The following CNTLN variants were observed in gnomAD, a reference collection of about 807,000 sequenced individuals.
CNTLN encodes centlein, centrosomal protein.
CNTLN carries 212 observed loss-of-function variants against 180.0 expected under a neutral mutation model. The observed-to-expected ratio is 1.18, with a 90% confidence interval of 1.05 to 1.32. The LOEUF (loss-of-function observed/expected upper bound fraction) is 1.32. CNTLN is among the 40% of genes most tolerant of loss of function. The pLI, the probability that CNTLN is intolerant of heterozygous loss-of-function variation, is 0.00. For missense variants in CNTLN, 2,095 were observed against 1,610.9 expected (o/e 1.30, Z -5.14); for synonymous variants, 722 against 563.1 (o/e 1.28, Z -3.99).
chr9:17,189,174 C>T (rs1242444043), intron 2 of CNTLN, among the ~76,000 whole-genome samples: 8 of 147,974 alleles, frequency 5.4e-5, no homozygotes, highest in African/African-American at 2.0e-4. Flanking sequence ...GCTCCGCCTC[C>T]CGGGTTCACG....
intron 1 of CNTLN, among the ~76,000 whole-genome samples, chr9:17,137,349 T>C (rs1438220540): frequency 2.0e-5 from 3 of 152,206 alleles, no homozygotes; most frequent in Non-Finnish European, 4.4e-5. Flanking sequence ...AACTCCCAAT[T>C]GTTTTGTAAA....
At chr9:17,270,868 C>G (rs1467513181) in intron 5 of CNTLN, among the ~76,000 whole-genome samples, 1 of 149,508 alleles carries the variant, frequency 6.7e-6, no homozygotes, top group Non-Finnish European at 1.5e-5. Flanking sequence ...CAAAACTGAA[C>G]AAGATATAGT....
At chr9:17,491,400 A>C (rs1231759635) in intron 25 of CNTLN, among the ~76,000 whole-genome samples, 1 of 152,130 alleles carries the variant, frequency 6.6e-6, no homozygotes, top group Admixed American at 6.6e-5. Flanking sequence ...TAGGTAGTTA[A>C]CTTGAGTAGA....
At chr9:17,240,889 C>T (rs757167740) in intron 5 of CNTLN, among the ~76,000 whole-genome samples, 33 of 151,974 alleles carry the variant, frequency 2.2e-4, no homozygotes, top group Admixed American at 1.4e-3. Context: ...GGTGGAGTCT[C>T]GCTCTGTCAC....
chr9:17,198,512 T>C (rs1464535297), intron 2 of CNTLN, among the ~76,000 whole-genome samples: 1 of 151,112 alleles, frequency 6.6e-6, no homozygotes, highest in Non-Finnish European at 1.5e-5. Context: ...TTGTAATCAT[T>C]GTACATGGGA....
At chr9:17,195,767 T>C (rs146817232) in intron 2 of CNTLN, among the ~76,000 whole-genome samples, 2,908 of 152,262 alleles carry the variant, frequency 0.019, 61 homozygotes, top group African/African-American at 0.05. Flanking sequence ...CATCCCTTAT[T>C]GACTAAAGAA....
chr9:17,196,836 G>A (rs999780266), intron 2 of CNTLN, among the ~76,000 whole-genome samples: 1 of 151,946 alleles, frequency 6.6e-6, no homozygotes, highest in African/African-American at 2.4e-5. Flanking sequence ...ATTACCTCAA[G>A]CATTTATACT....
Position 17,135,081 on chromosome 9 carries a change from C to T in CNTLN, c.16C>T (p.Pro6Ser), listed in dbSNP as rs1380106080. MAARS[P>S]PSPHPSPPAR... Reference sequence around the variant, plus strand: ...AGCCGCAGCCATGGCGGCGCGTTCGCCTCCCTCACCGCACCCTTCGCCCCC... The same window carrying T: ...AGCCGCAGCCATGGCGGCGCGTTCGTCTCCCTCACCGCACCCTTCGCCCCC... Residue 6 changes from proline to serine, a missense_variant, in exon 1 of 26, where the codon CCT becomes TCT. Physicochemically the swap from Pro to Ser is moderately conservative, Grantham distance 74. Transcript: ENST00000380647. The T allele has an allele frequency of 3.1e-6, 5 of 1,599,606 alleles. No homozygotes were observed. The highest frequency in any genetic ancestry group is 2.7e-5 in the African/African-American group (2 of 74,772).
downstream of CNTLN, among the ~76,000 whole-genome samples, chr9:17,505,801 A>G (rs1564160631): frequency 6.6e-6 from 1 of 152,132 alleles, no homozygotes; most frequent in South Asian, 2.1e-4. Flanking sequence ...ATGGGAACTC[A>G]GAAACTAGAA....
intron 12 of CNTLN, among the ~76,000 whole-genome samples, chr9:17,344,555 C>T (rs1037383611): frequency 1.3e-5 from 2 of 152,034 alleles, no homozygotes; most frequent in African/African-American, 4.8e-5. Context: ...ATGAGAATAC[C>T]AGACAGACTT....
At chr9:17,456,976 A>G (rs904809540) in intron 18 of CNTLN, among the ~76,000 whole-genome samples, 2 of 152,184 alleles carry the variant, frequency 1.3e-5, no homozygotes, top group South Asian at 2.1e-4. Flanking sequence ...TCAACAATCA[A>G]TCAAGTGCAT....
At chr9:17,420,321 A>C (rs1019003185) in intron 18 of CNTLN, among the ~76,000 whole-genome samples, 2 of 152,066 alleles carry the variant, frequency 1.3e-5, no homozygotes, top group Admixed American at 1.3e-4. Context: ...GAATTTGTCT[A>C]TTTGTTCTAG....
chr9:17,260,578 C>T (rs983032151), intron 5 of CNTLN, among the ~76,000 whole-genome samples: 2 of 151,114 alleles, frequency 1.3e-5, no homozygotes, highest in Non-Finnish European at 2.9e-5. Flanking sequence ...TGTTAGAACC[C>T]TGTTAGATGC....
chr9:17,303,704 G>C (rs144780261), intron 7 of CNTLN, among the ~76,000 whole-genome samples: 1 of 151,962 alleles, frequency 6.6e-6, no homozygotes, highest in East Asian at 1.9e-4. Flanking sequence ...AGCATTATAT[G>C]TATTGTCTTT....
chr9:17,437,023 C>T lies in CNTLN; in HGVS notation c.3115-20501C>T, dbSNP rs551335133. Among the ~76,000 whole-genome samples, 10 of 152,244 alleles carry T rather than the reference C, an allele frequency of 6.6e-5. No homozygotes were observed. The East Asian group carries it at 1.4e-3, about 21-fold the overall frequency. ...ATTTTGAGGCTGATGAAACACAGTG[C>T]GGTTATTGATCTGTGCGTGACATAG... is the stretch of plus-strand genomic sequence containing the variant. On this transcript the variant is annotated intron_variant, in intron 18 of 25. Coordinates refer to ENST00000380647, the MANE Select transcript of CNTLN (RefSeq NM_017738.4).
At chr9:17,322,441 G>A (rs116912157) in intron 8 of CNTLN, among the ~76,000 whole-genome samples, 6 of 152,106 alleles carry the variant, frequency 3.9e-5, no homozygotes, top group Non-Finnish European at 8.8e-5. Context: ...AAAGAAGGCT[G>A]CCAATAGATA....
intron 8 of CNTLN, among the ~76,000 whole-genome samples, chr9:17,329,194 G>A (rs1820486616): frequency 6.6e-6 from 1 of 151,934 alleles, no homozygotes; most frequent in Admixed American, 6.6e-5. Flanking sequence ...TTTTGTATAT[G>A]ATAGGATGTT....
intron 25 of CNTLN, among the ~76,000 whole-genome samples, chr9:17,500,964 T>A (rs966927871): frequency 6.6e-6 from 1 of 152,220 alleles, no homozygotes; most frequent in Admixed American, 6.5e-5. Context: ...AATTAAAGCG[T>A]ACTGCTTTTA....
chr9:17,327,517 A>C (rs1820385385), intron 8 of CNTLN, among the ~76,000 whole-genome samples: 1 of 147,170 alleles, frequency 6.8e-6, no homozygotes, highest in African/African-American at 2.5e-5. Flanking sequence ...AAAGTCTGAG[A>C]GATATATCAC....
Sources: gnomAD v4.1 joint callset for allele counts (sites outside exome capture counted in the v4.1 genomes callset) on GRCh38, gnomAD v4.1.1 for gene constraint, MANE v1.5 for transcripts, NCBI Gene and HGNC (gene_info 2026-07-23, HGNC 2026-07-21) for gene names.